The following SMAD5 variants were observed in gnomAD, a reference collection of about 807,000 sequenced individuals.
The protein encoded by SMAD5 is SMAD family member 5.
A neutral mutation model predicts 43.1 loss-of-function variants in SMAD5; 9 were observed. That is an observed-to-expected ratio of 0.21 (90% confidence interval 0.13 to 0.36). The LOEUF (loss-of-function observed/expected upper bound fraction) is 0.36, where lower values mean the gene tolerates loss of function less well. SMAD5 is among the 10% of genes least tolerant of loss of function. The pLI is 1.00. For missense variants in SMAD5, 348 were observed against 574.0 expected, an observed-to-expected ratio of 0.61 and a Z score of 4.02; for synonymous variants, 190 against 192.4, an observed-to-expected ratio of 0.99 and a Z score of 0.10.
rs1043414143 is a variant in SMAD5, at chr5:136,163,258, T to A, written c.656-14T>A. ...CAGAATGAAGATTTTAATTATTATT[T>A]TTTTTCCTCTTAGCTGATACGCCTC... On this transcript the variant is annotated splice_polypyrimidine_tract_variant and intron_variant, in intron 4 of 7. Coordinates refer to ENST00000545279, the MANE Select transcript of SMAD5 (RefSeq NM_005903.7). The A allele has an allele frequency of 2.5e-5, 40 of 1,590,286 alleles. No individual in the cohort carries two copies. Among genetic ancestry groups the A allele is most frequent in the Non-Finnish European group, 3.1e-5 (36 of 1,171,306 alleles).
Position 136,172,511 on chromosome 5 carries a change from G to A in SMAD5, c.853G>A (p.Glu285Lys). 6.2e-7 allele frequency: 1 copy of A among 1,613,048 alleles called. No individual in the cohort carries two copies. Among genetic ancestry groups the A allele is most frequent in the African/African-American group, 1.3e-5 (1 of 74,906 alleles). Residue 285 changes from glutamate (E) to lysine (K), a missense_variant, in exon 6 of 8, where the codon GAA becomes AAA. This residue lies in a region of SMAD5 where 185 missense variants were observed against 207.0 expected (regional missense o/e 0.89). Transcript: ENST00000545279. Reference protein sequence around the residue: ...VYYELNNRVGEAFHASSTSVL... With the variant: ...VYYELNNRVGKAFHASSTSVL... ...CTATGAATTAAACAATCGTGTTGGA[G>A]AAGCTTTTCATGCATCTTCTACTAG...
chr5:136,168,042 T>C (rs1016873940), intron 5 of SMAD5, among the ~76,000 whole-genome samples: 20 of 152,296 alleles, frequency 1.3e-4, no homozygotes, highest in African/African-American at 3.6e-4. Flanking sequence ...AGTTTCACCA[T>C]GTTGGCCAGG....
chr5:136,145,567 G>A (rs1324529193), intron 1 of SMAD5, among the ~76,000 whole-genome samples: 2 of 151,738 alleles, frequency 1.3e-5, no homozygotes, highest in African/African-American at 4.8e-5. Flanking sequence ...AAAATAATGC[G>A]GACTCTTAAA....
chr5:136,143,668 T>C (rs1561641541), intron 1 of SMAD5, among the ~76,000 whole-genome samples: 1 of 151,948 alleles, frequency 6.6e-6, no homozygotes, highest in Admixed American at 6.6e-5. Flanking sequence ...GATTGTTATA[T>C]TTCTATCTCG....
In SMAD5 at chr5:136,182,243, A is replaced by AG; in HGVS notation, c.*4763_*4764insG. On this transcript the variant is annotated 3_prime_UTR_variant, in exon 8 of 8. Transcript: ENST00000545279. ...CCCAAGTTCTTTGTGGAAAAAAAAA[A>AG]AAAATCTTTTAGGGTCAGATTTTCC... The AG allele has an allele frequency of 6.6e-6, 1 of 152,084 alleles. No homozygotes were observed. Among genetic ancestry groups the AG allele is most frequent in the East Asian group, 1.9e-4 (1 of 5,174 alleles). The allele number at this position is 152,084 out of a possible 1,614,324, so 9.4% of individuals were successfully genotyped here.
rs749176117 is a variant in SMAD5 at position 136,174,551 on chromosome 5, T to C, written c.1173T>C (p.Leu391=). ...TTAACAATCAGGAGTTTGCTCAGCT[T>C]CTGGCTCAATCTGTCAACCATGGGT... ...KIFNNQEFAQ[L]LAQSVNHGFE... Residue 391 remains leucine, a synonymous_variant, in exon 7 of 8, where the codon CTT becomes CTC. Transcript: ENST00000545279. The C allele has an allele frequency of 3.1e-6, 5 of 1,613,516 alleles. No homozygotes were observed. The South Asian group carries it at 5.5e-5, about 18-fold the overall frequency.
At chr5:136,140,073 A>G (rs1051904724) in intron 1 of SMAD5, among the ~76,000 whole-genome samples, 1 of 147,436 alleles carries the variant, frequency 6.8e-6, no homozygotes, top group African/African-American at 2.5e-5. Context: ...GCCAGGCTAG[A>G]GTGCAGTGGT....
At chr5:136,170,708 T>C (rs180788162) in intron 5 of SMAD5, among the ~76,000 whole-genome samples, 160 of 152,332 alleles carry the variant, frequency 1.1e-3, no homozygotes, top group African/African-American at 3.8e-3. Flanking sequence ...TATTCTTGAA[T>C]GTGCAGTATT....
At chr5:136,147,947 T>G (rs1444563722) in intron 2 of SMAD5, 41 bp downstream of exon 2, 1 of 151,840 alleles carries the variant, frequency 6.6e-6, no homozygotes, top group Non-Finnish European at 1.5e-5. Context: ...CTCTGTTTCT[T>G]TAGTCAGTAA....
At chr5:136,142,299 A>G (rs1753108928) in intron 1 of SMAD5, among the ~76,000 whole-genome samples, 1 of 152,184 alleles carries the variant, frequency 6.6e-6, no homozygotes, top group East Asian at 1.9e-4. Flanking sequence ...TTCCCCGAAG[A>G]AGGGATGCTT....
At chr5:136,150,376 A>G (rs184068877) in intron 2 of SMAD5, among the ~76,000 whole-genome samples, 23 of 152,058 alleles carry the variant, frequency 1.5e-4, no homozygotes, top group Admixed American at 1.1e-3. Flanking sequence ...CTTAATTTCA[A>G]GGTACAGTTA....
chr5:136,148,392 G>A (rs546488910), intron 2 of SMAD5, among the ~76,000 whole-genome samples: 132 of 151,716 alleles, frequency 8.7e-4, no homozygotes, highest in Non-Finnish European at 1.5e-3. Flanking sequence ...TGTAAAAGTG[G>A]TAGATTCCCT....
chr5:136,173,541 T>G (rs141083149), intron 6 of SMAD5, among the ~76,000 whole-genome samples: 1 of 152,286 alleles, frequency 6.6e-6, no homozygotes, highest in Admixed American at 6.5e-5. Context: ...TTGCCTTAGT[T>G]TTTTCAGTGA....
Position 136,179,648 on chromosome 5 carries a change from G to A in SMAD5, c.*2168G>A, listed in dbSNP as rs1754552596. 6.6e-6 allele frequency: 1 copy of A among 152,138 alleles called. No homozygotes were observed. Among genetic ancestry groups the A allele is most frequent in the Non-Finnish European group, 1.5e-5 (1 of 68,014 alleles). The allele number at this position is 152,138 out of a possible 1,614,324, so 9.4% of individuals were successfully genotyped here. On this transcript the variant is annotated 3_prime_UTR_variant, in exon 8 of 8. Transcript: ENST00000545279. ...AAGAAATACTTTCTGACAGTCACCT[G>A]AGCCTTAAATGTAAGTATTACATGA... is the stretch of plus-strand genomic sequence containing the variant.
rs1387897319 is a variant in SMAD5, at chr5:136,154,069, G to A, written c.309G>A (p.Glu103=). ...GGCCGGATTTGCAGAGTCATCATGA[G>A]CTAAAGCCGTTGGATATTTGTGAAT... ...WRWPDLQSHH[E]LKPLDICEFP... Residue 103 remains glutamate, a synonymous_variant, in exon 3 of 8, where the codon GAG becomes GAA. Coordinates refer to ENST00000545279, the MANE Select transcript of SMAD5 (RefSeq NM_005903.7). 8.1e-6 allele frequency: 13 copies of A among 1,602,728 alleles called. No individual in the cohort carries two copies. Among genetic ancestry groups the A allele is most frequent in the Non-Finnish European group, 1.1e-5 (13 of 1,174,540 alleles).
chr5:136,160,572 T>G (rs898594230), intron 3 of SMAD5, among the ~76,000 whole-genome samples: 1 of 152,116 alleles, frequency 6.6e-6, no homozygotes, highest in African/African-American at 2.4e-5. Flanking sequence ...ATTCTCTGTT[T>G]TATGGTTGTT....
chr5:136,156,387 G>A (rs907673548), intron 3 of SMAD5, among the ~76,000 whole-genome samples: 2 of 152,158 alleles, frequency 1.3e-5, no homozygotes. Flanking sequence ...GAATCACAGT[G>A]GTTACCTTAG....
At chr5:136,172,775 TA>T in intron 6 of SMAD5, 120 bp downstream of exon 6, 1 of 694,280 alleles carries the variant, frequency 1.4e-6, no homozygotes, top group Non-Finnish European at 2.6e-6. Flanking sequence ...GCCTCTGCCT[TA>T]AGTTGCCGAT....
At chr5:136,136,591 A>AC (rs1231153603) in intron 1 of SMAD5, among the ~76,000 whole-genome samples, 1 of 152,222 alleles carries the variant, frequency 6.6e-6, no homozygotes, top group Non-Finnish European at 1.5e-5. Flanking sequence ...GATTGTTGTT[A>AC]GGACTAATCT....
Sources: gnomAD v4.1 joint callset for allele counts (sites outside exome capture counted in the v4.1 genomes callset) on GRCh38, gnomAD v4.1.1 for gene constraint, gnomAD v4.1.1 regional missense constraint, MANE v1.5 for transcripts, NCBI Gene and HGNC (gene_info 2026-07-23, HGNC 2026-07-21) for gene names.